The following AXIN2 variants were observed in gnomAD, a reference collection of about 807,000 sequenced individuals.
AXIN2 encodes the protein axin-2.
Under a neutral mutation model 74.7 loss-of-function variants are expected in AXIN2, and 21 were observed. That is an observed-to-expected ratio of 0.28 (90% CI 0.20 to 0.40). The LOEUF is 0.40. Ranked by LOEUF, AXIN2 falls within the 10% of genes least tolerant of loss-of-function variation. AXIN2 has a pLI of 1.00. For missense variants in AXIN2, 1,144 were observed against 1,111.1 expected, an observed-to-expected ratio of 1.03 and a Z score of -0.42; for synonymous variants, 532 against 454.9, an observed-to-expected ratio of 1.17 and a Z score of -2.16.
rs1037067658 is a variant in AXIN2, at chr17:65,533,920, T to C, written c.2397A>G (p.Gly799=). 6.2e-7 allele frequency: 1 copy of C among 1,613,892 alleles called. No individual in the cohort carries two copies. The highest frequency in any genetic ancestry group is 8.5e-7 in the Non-Finnish European group (1 of 1,179,960). ...AGCCACAGGACTCTTACCTATAATT[T>C]CCCTTTTTGCTGAGCTGCTCTTTAA... ...GHFKEQLSKK[G]NYRYYFKKAS... is the part of the protein sequence containing the mutation. Residue 799 remains glycine, a synonymous_variant, in exon 10 of 11, where the codon GGA becomes GGG. Coordinates refer to ENST00000307078, the MANE Select transcript of AXIN2 (RefSeq NM_004655.4).
chr17:65,545,502 AC>A (rs2044105997), intron 3 of AXIN2, among the ~76,000 whole-genome samples: 1 of 152,190 alleles, frequency 6.6e-6, no homozygotes, highest in African/African-American at 2.4e-5. Context: ...ATCCTGGCCA[AC>A]ATGGTGAAGC....
rs1427989179 is a variant in AXIN2 at position 65,558,459 on chromosome 17, G to A, written c.162C>T (p.Asn54=). ...QVTKPMPVSS[N]TRRNEDGLGE... ...CCAACCCATCTTCGTTCCGCCTGGT[G>A]TTGGAAGAGACAGGCATGGGTTTGG... Residue 54 remains asparagine (N), a synonymous_variant, in exon 2 of 11, where the codon AAC becomes AAT. Transcript: ENST00000307078. 6.2e-7 allele frequency: 1 copy of A among 1,603,452 alleles called. No homozygotes were observed. Among genetic ancestry groups the A allele is most frequent in the South Asian group, 1.1e-5 (1 of 89,856 alleles).
chr17:65,546,023 G>A (rs923800743), intron 3 of AXIN2, among the ~76,000 whole-genome samples: 41 of 151,792 alleles, frequency 2.7e-4, no homozygotes, highest in Non-Finnish European at 5.2e-4. Context: ...TCTATTGAAG[G>A]CTGCCTGTGA....
In AXIN2 at chr17:65,529,650, T is replaced by C. The variant is rs533959126; in HGVS notation, c.*326A>G. On this transcript the variant is annotated 3_prime_UTR_variant, in exon 11 of 11. Coordinates refer to ENST00000307078, the MANE Select transcript of AXIN2 (RefSeq NM_004655.4). ...TCAGGTAAGCTATACACAGTTTCTC[T>C]TAGTTTATGGATTTCAGATCCCTAG... 120 of 444,804 alleles carry C rather than the reference T, an allele frequency of 2.7e-4. 1 individual carries two copies. The highest frequency in any genetic ancestry group is 1.6e-3 in the South Asian group (70 of 45,114). 27.6% of individuals were successfully genotyped at this position (444,804 alleles called of 1,614,324 possible).
In AXIN2 at chr17:65,534,015, A is replaced by G. The variant is rs750962952; in HGVS notation, c.2302T>C (p.Tyr768His). 1 of 1,614,262 alleles carries G rather than the reference A, an allele frequency of 6.2e-7. No homozygotes were observed. Among genetic ancestry groups the G allele is most frequent in the Admixed American group, 1.7e-5 (1 of 60,038 alleles). Residue 768 changes from tyrosine to histidine, a missense_variant, in exon 10 of 11, where the codon TAC (tyrosine) becomes CAC (histidine). Around this residue, in one of 4 missense-constraint regions of AXIN2, gnomAD observed 1,053 missense variants for 973.5 expected, o/e 1.08. Transcript: ENST00000307078. ...ALQASELVVT[Y>H]FFCGEEIPYR... ...GGAATTTCTTCCCCACAGAAAAAGT[A>G]AGTGACAACCAACTCACTGGCCTGG... is the stretch of plus-strand genomic sequence containing the variant.
rs2043865731 is a variant in AXIN2, at chr17:65,533,963, C to A, written c.2354G>T (p.Ser785Ile). The A allele has an allele frequency of 7.4e-6, 12 of 1,614,196 alleles. No homozygotes were observed. Among genetic ancestry groups the A allele is most frequent in the Non-Finnish European group, 1.0e-5 (12 of 1,180,026 alleles). Residue 785 changes from serine (S) to isoleucine (I), a missense_variant, in exon 10 of 11, where the codon AGC becomes ATC. By Grantham distance (142) the Ser-to-Ile change is moderately radical. Coordinates refer to ENST00000307078, the MANE Select transcript of AXIN2 (RefSeq NM_004655.4). ...CTCTTTAAAGTGGCCCAGGGTCAAGCTCTGAGCCTTCAGCATCCTCCGGTA... is the reference window on the plus strand; with the variant it reads ...CTCTTTAAAGTGGCCCAGGGTCAAGATCTGAGCCTTCAGCATCCTCCGGTA... ...IPYRRMLKAQ[S>I]LTLGHFKEQL...
intron 4 of AXIN2, 132 bp from the exon 5 acceptor site, chr17:65,538,475 G>A: frequency 2.5e-6 from 3 of 1,213,440 alleles, no homozygotes; most frequent in South Asian, 1.5e-5. Context: ...ATGGCAAGGC[G>A]GCCTGGGCTG....
intron 10 of AXIN2, among the ~76,000 whole-genome samples, chr17:65,530,686 C>T (rs1193855981): frequency 2.6e-5 from 4 of 152,338 alleles, no homozygotes; most frequent in South Asian, 2.1e-4. Flanking sequence ...CCTGGCACAG[C>T]CACACAGGAG....
intron 10 of AXIN2, among the ~76,000 whole-genome samples, chr17:65,530,703 C>A (rs1238425926): frequency 6.6e-6 from 1 of 152,220 alleles, no homozygotes; most frequent in Admixed American, 6.5e-5. Context: ...GGAGGCAAGC[C>A]AGCCCAGCGC....
chr17:65,536,488 CT>C lies in AXIN2; in HGVS notation c.1972del (p.Ser658AlafsTer31). 6.2e-7 allele frequency: 1 copy of C among 1,613,840 alleles called. No individual in the cohort carries two copies. The highest frequency in any genetic ancestry group is 8.5e-7 in the Non-Finnish European group (1 of 1,179,996). On this transcript the variant is annotated frameshift_variant, in exon 8 of 11. Coordinates refer to ENST00000307078, the MANE Select transcript of AXIN2 (RefSeq NM_004655.4). LOFTEE classifies it high-confidence loss of function. Reference sequence around the variant, plus strand: ...GTTGCCCCCCCACAGATGGTGCCGGCTGGCTCGTTCGCCTGGAGACGAGCGG... The same window carrying C: ...GTTGCCCCCCCACAGATGGTGCCGGCGGCTCGTTCGCCTGGAGACGAGCGG... ...SARSSPGERA[S>X]RHHLWGGNSG...
At position 65,528,748 on chromosome 17, in the gene AXIN2, T is replaced by C. The variant is rs1166380124; in HGVS notation, c.*1228A>G. On this transcript the variant is annotated 3_prime_UTR_variant, in exon 11 of 11. Coordinates refer to ENST00000307078, the MANE Select transcript of AXIN2 (RefSeq NM_004655.4). ...AAAAGGCATAAAATATATTTATACA[T>C]AAACCCCTTTCAAAAAACAAGGGAA... The C allele has an allele frequency of 6.0e-6, 3 of 499,226 alleles. No individual in the cohort carries two copies. Among genetic ancestry groups the C allele is most frequent in the African/African-American group, 3.9e-5 (2 of 51,184 alleles). 30.9% of individuals were successfully genotyped at this position (499,226 alleles called of 1,614,324 possible).
Position 65,529,209 on chromosome 17 carries a change from T to A in AXIN2, c.*767A>T, listed in dbSNP as rs760139657. ...GGGAGCCTCAGTCACAGGATCAACC[T>A]GGGGCCCGAAGGAGCAGGGTTCCCT... On this transcript the variant is annotated 3_prime_UTR_variant, in exon 11 of 11. Coordinates refer to ENST00000307078, the MANE Select transcript of AXIN2 (RefSeq NM_004655.4). 1 of 234,664 alleles carries A rather than the reference T, an allele frequency of 4.3e-6. No individual in the cohort carries two copies. The highest frequency in any genetic ancestry group is 8.4e-6 in the Non-Finnish European group (1 of 119,048). The allele number at this position is 234,664 out of a possible 1,614,324, so 14.5% of individuals were successfully genotyped here. A position where few individuals can be genotyped will look rare whatever the true frequency, so the allele number is the denominator to read the frequency against.
Position 65,536,527 on chromosome 17 carries a change from G to A in AXIN2, c.1934C>T (p.Pro645Leu), listed in dbSNP as rs730881405. The change falls in exon 8 of 11, where the codon CCC becomes CTC. Residue 645 changes from proline to leucine, a missense_variant. Around this residue, in one of 4 missense-constraint regions of AXIN2, gnomAD observed 1,053 missense variants for 973.5 expected, o/e 1.08. Transcript: ENST00000307078. The stretch of plus-strand genomic sequence containing the variant: ...TGGAGACGAGCGGGCAGACTCCAAG[G>A]GGTAGGCCTTTTTTGTGCTTTGGGC... ...HSAQSTKKAY[P>L]LESARSSPGE... 17 of 1,613,854 alleles carry A rather than the reference G, an allele frequency of 1.1e-5. No homozygotes were observed. The highest frequency in any genetic ancestry group is 1.4e-5 in the Non-Finnish European group (17 of 1,180,014).
chr17:65,537,170 C>T, intron 6 of AXIN2, 107 bp from the exon 7 acceptor site: 2 of 1,533,216 alleles, frequency 1.3e-6, no homozygotes, highest in South Asian at 1.1e-5. Flanking sequence ...ACGAAAGACC[C>T]ATGCACCTGC....
intron 3 of AXIN2, among the ~76,000 whole-genome samples, chr17:65,543,744 G>A (rs2144510875): frequency 1.3e-5 from 2 of 152,296 alleles, no homozygotes; most frequent in South Asian, 4.1e-4. Context: ...TTAATGTGGA[G>A]ATGCCATTTC....
Position 65,537,897 on chromosome 17 carries a change from G to A in AXIN2, c.1201-62C>T. Reference sequence around the variant, plus strand: ...GAAGCAGAAGGGCCAGAGGCCCTGGGGTTGCAACATTCGGCTCCCTACGCA... The same window carrying A: ...GAAGCAGAAGGGCCAGAGGCCCTGGAGTTGCAACATTCGGCTCCCTACGCA... On this transcript the variant is annotated intron_variant, in intron 5 of 10. Coordinates refer to ENST00000307078, the MANE Select transcript of AXIN2 (RefSeq NM_004655.4). 9 of 1,490,442 alleles carry A rather than the reference G, an allele frequency of 6.0e-6. No individual in the cohort carries two copies. In the Middle Eastern group the frequency reaches 8.9e-4, roughly 147 times the overall value. The allele number at this position is 1,490,442 out of a possible 1,614,324, so 92.3% of individuals were successfully genotyped here.
At chr17:65,553,049 CAAAA>C (rs999236261) in intron 2 of AXIN2, among the ~76,000 whole-genome samples, 10 of 151,932 alleles carry the variant, frequency 6.6e-5, no homozygotes, top group African/African-American at 4.8e-5. Context: ...AAAACAAAAA[CAAAA>C]AACCAGAGAG....
At chr17:65,547,084 A>C (rs2044128926) in intron 3 of AXIN2, among the ~76,000 whole-genome samples, 1 of 152,174 alleles carries the variant, frequency 6.6e-6, no homozygotes, top group Admixed American at 6.5e-5. Context: ...GCTTCAGCTA[A>C]AGGGGGAAGG....
chr17:65,550,780 C>T (rs2044180423), intron 2 of AXIN2, among the ~76,000 whole-genome samples: 2 of 152,222 alleles, frequency 1.3e-5, no homozygotes, highest in South Asian at 4.1e-4. Context: ...GCTGTCTGCA[C>T]ATGTTCACCA....
Sources: gnomAD v4.1 joint callset for allele counts (sites outside exome capture counted in the v4.1 genomes callset) on GRCh38, gnomAD v4.1.1 for gene constraint, gnomAD v4.1.1 regional missense constraint, MANE v1.5 for transcripts, NCBI Gene and HGNC (gene_info 2026-07-23, HGNC 2026-07-21) for gene names.